SUDS3: variants seen among roughly 807,000 people sequenced by gnomAD.
SUDS3 encodes the protein SIN3A corepressor complex component SDS3, also known as sin3 histone deacetylase corepressor complex component SDS3.
In SUDS3, 23 loss-of-function variants were observed where a neutral mutation model predicts 53.5. The ratio of observed to expected loss-of-function variants is 0.43; its 90% CI spans 0.31 to 0.61. The LOEUF (loss-of-function observed/expected upper bound fraction) is 0.61, where lower values mean the gene tolerates loss of function less well. Among genes scored for constraint, SUDS3 ranks in the 20% least tolerant of loss-of-function variants. The probability of loss-of-function intolerance (pLI) is 0.10; values close to 1 mark genes in which losing one functional copy is unlikely to be tolerated. For synonymous variants in SUDS3, 150 were observed against 148.5 expected (o/e 1.01, Z -0.08); for missense variants, 291 against 405.9 (o/e 0.72, Z 2.43).
rs891379402 is a variant in SUDS3 at position 118,415,847 on chromosome 12, T to G, written c.*1414T>G. 6.6e-6 allele frequency: 1 copy of G among 152,122 alleles called. No homozygotes were observed. The highest frequency in any genetic ancestry group is 2.4e-5 in the African/African-American group (1 of 41,410). 9.4% of individuals were successfully genotyped at this position (152,122 alleles called of 1,614,324 possible). On this transcript the variant is annotated 3_prime_UTR_variant, in exon 12 of 12. Transcript: ENST00000543473. ...GTTCTGGCTCTGCAGAGACCAAACC[T>G]TACTGACTTGTACAGACTTGTACAA...
At chr12:118,379,198 A>T (rs1289548470) in intron 1 of SUDS3, among the ~76,000 whole-genome samples, 1 of 151,174 alleles carries the variant, frequency 6.6e-6, no homozygotes, top group Admixed American at 6.6e-5. Flanking sequence ...GCACTTTGGA[A>T]TGCGAAAGCA....
intron 10 of SUDS3, among the ~76,000 whole-genome samples, chr12:118,408,288 C>A (rs1049083939): frequency 2.0e-5 from 3 of 152,070 alleles, no homozygotes; most frequent in South Asian, 2.1e-4. Flanking sequence ...CCCACCTTGG[C>A]CTCCCAAAGT....
chr12:118,388,616 A>G (rs1224553289), intron 4 of SUDS3, among the ~76,000 whole-genome samples: 1 of 152,178 alleles, frequency 6.6e-6, no homozygotes, highest in Non-Finnish European at 1.5e-5. Context: ...TGGGTGCTTT[A>G]AGGCATCTGA....
In SUDS3 at chr12:118,417,836, T is replaced by C. The variant is rs1206767642; in HGVS notation, c.*3403T>C. ...AGTTAGGGCAGAGGAAGGGATATTC[T>C]AGACATTTAATTCTTAGTGAAGACT... On this transcript the variant is annotated 3_prime_UTR_variant, in exon 12 of 12. Transcript: ENST00000543473. 6.6e-6 allele frequency: 1 copy of C among 152,196 alleles called. No individual in the cohort carries two copies. The highest frequency in any genetic ancestry group is 1.5e-5 in the Non-Finnish European group (1 of 68,036). 9.4% of individuals were successfully genotyped at this position (152,196 alleles called of 1,614,324 possible).
rs758523298 is a variant in SUDS3, at chr12:118,414,437, T to C, written c.*4T>C. On this transcript the variant is annotated 3_prime_UTR_variant, in exon 12 of 12. Coordinates refer to ENST00000543473, the MANE Select transcript of SUDS3 (RefSeq NM_022491.3). Reference sequence around the variant, plus strand: ...CCGCCGGCGCTCAGCTGCTTGACTTTCTACAGTGCTCTTCTCTTGACCCTT... The same window carrying C: ...CCGCCGGCGCTCAGCTGCTTGACTTCCTACAGTGCTCTTCTCTTGACCCTT... The C allele has an allele frequency of 5.1e-6, 8 of 1,573,726 alleles. No homozygotes were observed. The highest frequency in any genetic ancestry group is 1.2e-5 in the South Asian group (1 of 85,496).
At chr12:118,395,571 C>T (rs578168059) in intron 6 of SUDS3, among the ~76,000 whole-genome samples, 2 of 152,042 alleles carry the variant, frequency 1.3e-5, no homozygotes, top group African/African-American at 2.4e-5. Context: ...GAGGAAGGCT[C>T]GACTGGCTCA....
chr12:118,389,882 G>A (rs1259467723), intron 4 of SUDS3, 45 bp from the exon 5 acceptor site: 2 of 1,613,322 alleles, frequency 1.2e-6, no homozygotes, highest in Non-Finnish European at 1.7e-6. Flanking sequence ...GTCTAGAAAG[G>A]TGGCACAGCC....
intron 11 of SUDS3, among the ~76,000 whole-genome samples, chr12:118,413,328 A>G (rs1459350710): frequency 2.0e-5 from 3 of 152,194 alleles, no homozygotes; most frequent in Non-Finnish European, 2.9e-5. Flanking sequence ...GCTCTATTTA[A>G]TTGCATGTTA....
intron 6 of SUDS3, among the ~76,000 whole-genome samples, chr12:118,392,318 T>A: frequency 6.6e-6 from 1 of 152,192 alleles, no homozygotes; most frequent in East Asian, 1.9e-4. Flanking sequence ...TTTGTTCCCC[T>A]CTATATATTC....
At chr12:118,408,191 G>T (rs547219048) in intron 10 of SUDS3, among the ~76,000 whole-genome samples, 3 of 149,288 alleles carry the variant, frequency 2.0e-5, no homozygotes, top group African/African-American at 7.4e-5. Context: ...AAGCCACTAC[G>T]CCTGGCCAAT....
chr12:118,408,478 C>T (rs761078446), intron 10 of SUDS3, among the ~76,000 whole-genome samples: 14 of 152,018 alleles, frequency 9.2e-5, no homozygotes, highest in African/African-American at 2.4e-4. Context: ...GGATTACAAG[C>T]GCACACCACC....
At chr12:118,403,259 C>T (rs984441289) in intron 9 of SUDS3, among the ~76,000 whole-genome samples, 153 bp from the exon 10 acceptor site, 1 of 152,136 alleles carries the variant, frequency 6.6e-6, no homozygotes, top group Non-Finnish European at 1.5e-5. Flanking sequence ...ATGGAATATA[C>T]AAGAGTTTTG....
intron 3 of SUDS3, among the ~76,000 whole-genome samples, chr12:118,384,854 G>A (rs1411722844): frequency 6.6e-6 from 1 of 152,070 alleles, no homozygotes; most frequent in Non-Finnish European, 1.5e-5. Flanking sequence ...AAGAGTGCAG[G>A]CTCTGGAGTT....
intron 1 of SUDS3, among the ~76,000 whole-genome samples, chr12:118,378,480 ATCT>A (rs2046023406): frequency 6.7e-6 from 1 of 149,376 alleles, no homozygotes; most frequent in Admixed American, 6.7e-5. Context: ...ATTGTAAGTA[ATCT>A]TTTTTTTTTT....
At chr12:118,381,975 G>A (rs1292893344) in intron 2 of SUDS3, among the ~76,000 whole-genome samples, 3 of 151,852 alleles carry the variant, frequency 2.0e-5, no homozygotes, top group Admixed American at 6.6e-5. Flanking sequence ...TTCTCACATT[G>A]TTTTTGTGCT....
intron 6 of SUDS3, among the ~76,000 whole-genome samples, chr12:118,395,862 T>C (rs1400942221): frequency 6.6e-6 from 1 of 151,920 alleles, no homozygotes; most frequent in African/African-American, 2.4e-5. Context: ...TGACTAATTT[T>C]TATACTTTTT....
At chr12:118,414,163 T>A (rs2046381084) in intron 11 of SUDS3, among the ~76,000 whole-genome samples, 172 bp from the exon 12 acceptor site, 1 of 152,216 alleles carries the variant, frequency 6.6e-6, no homozygotes, top group African/African-American at 2.4e-5. Context: ...TGCCTTTAGA[T>A]GGCCCGAGGT....
chr12:118,405,491 T>G (rs2046301329), intron 10 of SUDS3, among the ~76,000 whole-genome samples: 1 of 152,266 alleles, frequency 6.6e-6, no homozygotes, highest in African/African-American at 2.4e-5. Context: ...CTAAGCATTT[T>G]GAAGGAATTT....
chr12:118,417,473 GATTA>G lies in SUDS3; in HGVS notation c.*3044_*3047del, dbSNP rs1194753336. 1 of 151,066 alleles carries G rather than the reference GATTA, an allele frequency of 6.6e-6. No individual in the cohort carries two copies. Among genetic ancestry groups the G allele is most frequent in the Non-Finnish European group, 1.5e-5 (1 of 67,788 alleles). The allele number at this position is 151,066 out of a possible 1,614,324, so 9.4% of individuals were successfully genotyped here. The stretch of plus-strand genomic sequence containing the variant: ...ATTTTTACTAAATAAATTTCCTCCT[GATTA>G]ATTTTTTTTTTCTCATCTGGGAATT... On this transcript the variant is annotated 3_prime_UTR_variant, in exon 12 of 12. Transcript: ENST00000543473.
Sources: allele counts gnomAD v4.1 joint callset (sites outside exome capture counted in the v4.1 genomes callset), GRCh38; gene constraint gnomAD v4.1.1; transcripts MANE v1.5; gene names NCBI Gene and HGNC (gene_info 2026-07-23, HGNC 2026-07-21).